The following CCSER1 variants were observed in gnomAD, a reference collection of about 807,000 sequenced individuals.
CCSER1 encodes serine-rich coiled-coil domain-containing protein 1.
Under a neutral mutation model 82.0 loss-of-function variants are expected in CCSER1, and 41 were observed. The ratio of observed to expected loss-of-function variants is 0.50; its 90% CI spans 0.39 to 0.65. The LOEUF (loss-of-function observed/expected upper bound fraction) is 0.65. Ranked by LOEUF, CCSER1 falls within the 30% of genes least tolerant of loss-of-function variation. The probability of loss-of-function intolerance (pLI) is 0.00; values close to 1 mark genes in which losing one functional copy is unlikely to be tolerated. For synonymous variants in CCSER1, 414 were observed against 383.9 expected (o/e 1.08, Z -0.92); for missense variants, 1,119 against 1,064.2 (o/e 1.05, Z -0.72).
chr4:90,384,084 TC>T (rs1260852506), intron 3 of CCSER1, among the ~76,000 whole-genome samples: 1 of 151,916 alleles, frequency 6.6e-6, no homozygotes, highest in African/African-American at 2.4e-5. Context: ...TTTCGAACCC[TC>T]GTTTTTTTTG....
chr4:91,162,045 A>T (rs958244748), intron 10 of CCSER1, among the ~76,000 whole-genome samples: 3 of 152,200 alleles, frequency 2.0e-5, no homozygotes, highest in Non-Finnish European at 4.4e-5. Flanking sequence ...GTTTTTGCCC[A>T]TTCAGTATGT....
At chr4:91,147,545 G>A (rs1729668163) in intron 10 of CCSER1, among the ~76,000 whole-genome samples, 1 of 152,136 alleles carries the variant, frequency 6.6e-6, no homozygotes, top group African/African-American at 2.4e-5. Context: ...TGATAGTGGG[G>A]GCTCCTCCTC....
intron 9 of CCSER1, among the ~76,000 whole-genome samples, chr4:91,020,241 A>C (rs1739808410): frequency 1.3e-5 from 2 of 152,222 alleles, no homozygotes; most frequent in South Asian, 4.1e-4. Flanking sequence ...AATGTCATAG[A>C]TGTTGCTACA....
At chr4:91,481,650 G>A (rs1276466296) in intron 10 of CCSER1, among the ~76,000 whole-genome samples, 1 of 152,072 alleles carries the variant, frequency 6.6e-6, no homozygotes, top group East Asian at 1.9e-4. Flanking sequence ...TGAAACTATT[G>A]GAAAAATAGT....
intron 5 of CCSER1, among the ~76,000 whole-genome samples, chr4:90,622,860 T>G (rs1172823062): frequency 6.6e-6 from 1 of 152,062 alleles, no homozygotes. Context: ...CCACAATGGT[T>G]GAACTAGTTT....
chr4:90,406,702 A>C (rs1443036678), intron 4 of CCSER1, among the ~76,000 whole-genome samples: 1 of 152,176 alleles, frequency 6.6e-6, no homozygotes, highest in East Asian at 1.9e-4. Flanking sequence ...CTCCAAAAGG[A>C]ATCTTCAAAA....
At chr4:90,706,335 CT>C (rs1739340413) in intron 6 of CCSER1, among the ~76,000 whole-genome samples, 1 of 152,134 alleles carries the variant, frequency 6.6e-6, no homozygotes. Flanking sequence ...AATCCCAGCA[CT>C]TTTGGAGGTT....
chr4:90,575,957 A>G (rs1377763450), intron 5 of CCSER1, among the ~76,000 whole-genome samples: 1 of 151,546 alleles, frequency 6.6e-6, no homozygotes, highest in East Asian at 1.9e-4. Flanking sequence ...TTTTCAGTGT[A>G]TTGGACATTA....
chr4:90,397,524 C>G (rs1248920819), intron 3 of CCSER1, among the ~76,000 whole-genome samples: 1 of 152,146 alleles, frequency 6.6e-6, no homozygotes, highest in Non-Finnish European at 1.5e-5. Context: ...ACAACATGAC[C>G]TACCTATGAC....
intron 8 of CCSER1, among the ~76,000 whole-genome samples, chr4:90,913,664 G>A (rs987370810): frequency 1.3e-5 from 2 of 152,100 alleles, no homozygotes; most frequent in African/African-American, 2.4e-5. Flanking sequence ...ATGTAAATGG[G>A]CTAAATGCTC....
At chr4:91,486,464 A>G (rs556988373) in intron 10 of CCSER1, among the ~76,000 whole-genome samples, 18 of 152,206 alleles carry the variant, frequency 1.2e-4, no homozygotes, top group African/African-American at 4.1e-4. Context: ...TACTACCAAA[A>G]TTTATTTAGT....
chr4:91,150,609 G>A (rs1398952023), intron 10 of CCSER1, among the ~76,000 whole-genome samples: 1 of 152,084 alleles, frequency 6.6e-6, no homozygotes, highest in African/African-American at 2.4e-5. Context: ...TATGTTACTG[G>A]CTGTGGGTTT....
intron 10 of CCSER1, among the ~76,000 whole-genome samples, chr4:91,242,699 A>G (rs533044361): frequency 4.6e-5 from 7 of 152,190 alleles, no homozygotes; most frequent in African/African-American, 1.7e-4. Context: ...TTAAATAATA[A>G]AAATATTAGC....
chr4:91,088,943 T>A (rs1202930206), intron 10 of CCSER1, among the ~76,000 whole-genome samples: 1 of 152,162 alleles, frequency 6.6e-6, no homozygotes, highest in Non-Finnish European at 1.5e-5. Flanking sequence ...TTAGGTAGTT[T>A]TTTTGTTTTC....
At chr4:91,260,438 T>C (rs973631443) in intron 10 of CCSER1, among the ~76,000 whole-genome samples, 3 of 152,218 alleles carry the variant, frequency 2.0e-5, no homozygotes, top group African/African-American at 7.2e-5. Context: ...TTATTAATCC[T>C]CTTAACTAGC....
chr4:90,716,470 T>C (rs1222582706), intron 6 of CCSER1, among the ~76,000 whole-genome samples: 1 of 152,140 alleles, frequency 6.6e-6, no homozygotes, highest in Admixed American at 6.6e-5. Flanking sequence ...AGTGGTATCA[T>C]GGCTGTCTAC....
chr4:91,330,529 A>C (rs1374805543), intron 10 of CCSER1, among the ~76,000 whole-genome samples: 1 of 152,132 alleles, frequency 6.6e-6, no homozygotes, highest in Non-Finnish European at 1.5e-5. Flanking sequence ...ATAACCCTTT[A>C]GCTGAGCTAA....
At chr4:90,536,454 C>T (rs1344051117) in intron 5 of CCSER1, among the ~76,000 whole-genome samples, 1 of 152,204 alleles carries the variant, frequency 6.6e-6, no homozygotes, top group Non-Finnish European at 1.5e-5. Flanking sequence ...GAAAAACATA[C>T]TCATGGCTCA....
chr4:90,426,438 G>T (rs1757540424), intron 4 of CCSER1, among the ~76,000 whole-genome samples: 1 of 152,214 alleles, frequency 6.6e-6, no homozygotes, highest in South Asian at 2.1e-4. Context: ...AGAAGGGGTT[G>T]TACTTGAACT....
Sources: gnomAD v4.1 joint callset for allele counts (sites outside exome capture counted in the v4.1 genomes callset) on GRCh38, gnomAD v4.1.1 for gene constraint, MANE v1.5 for transcripts, NCBI Gene and HGNC (gene_info 2026-07-23, HGNC 2026-07-21) for gene names.